HS3ST2: variants seen among roughly 807,000 people sequenced by gnomAD.
The protein encoded by HS3ST2 is heparan sulfate-glucosamine 3-sulfotransferase 2.
In HS3ST2, 17 loss-of-function variants were observed where a neutral mutation model predicts 26.3. That is an observed-to-expected ratio of 0.65 (90% CI 0.44 to 0.97). The LOEUF (loss-of-function observed/expected upper bound fraction) is 0.97, where lower values mean the gene tolerates loss of function less well. Ranked by LOEUF, HS3ST2 falls within the 50% of genes least tolerant of loss-of-function variation. The pLI is 0.00. For missense variants in HS3ST2, 402 were observed against 501.2 expected (o/e 0.80, Z 1.89); for synonymous variants, 237 against 219.2 (o/e 1.08, Z -0.72).
At chr16:22,888,385 T>TC (rs10686765) in intron 1 of HS3ST2, among the ~76,000 whole-genome samples, 2 of 21,678 alleles carry the variant, frequency 9.2e-5, no homozygotes, top group Non-Finnish European at 1.6e-4. Context: ...TTTTTTTTTT[T>TC]TTTTTTTCTT....
At chr16:22,858,783 T>C (rs1901637589) in intron 1 of HS3ST2, among the ~76,000 whole-genome samples, 1 of 152,174 alleles carries the variant, frequency 6.6e-6, no homozygotes, top group Admixed American at 6.5e-5. Context: ...TTGTCTGAGA[T>C]AATGTGCATG....
At chr16:22,857,561 G>A (rs1461383986) in intron 1 of HS3ST2, among the ~76,000 whole-genome samples, 1 of 152,168 alleles carries the variant, frequency 6.6e-6, no homozygotes, top group Non-Finnish European at 1.5e-5. Flanking sequence ...CCTGACAAAT[G>A]GAACAAAGTT....
At position 22,861,082 on chromosome 16, in the gene HS3ST2, GC is replaced by G. The variant is rs536657591; in HGVS notation, c.485+45990del. Among the ~76,000 whole-genome samples, 27 of 152,118 alleles carry G rather than the reference GC, an allele frequency of 1.8e-4. No individual in the cohort carries two copies. In the South Asian group the frequency reaches 5.4e-3, roughly 30 times the overall value. On this transcript the variant is annotated intron_variant, in intron 1 of 1. Transcript: ENST00000261374. ...TGTAGATATAGGGCCTCACTATGTT[GC>G]CCAGGCTGATCTTGAACTCCTGAGC...
Position 22,915,541 on chromosome 16 carries a change from G to A in HS3ST2, c.1083G>A (p.Gly361=), listed in dbSNP as rs770196156. The change falls in exon 2 of 2, where the codon GGG becomes GGA. Residue 361 remains glycine (G), a synonymous_variant. Coordinates refer to ENST00000261374, the MANE Select transcript of HS3ST2 (RefSeq NM_006043.2). ...ATATCAAATTTTATGAAACCGTTGG[G>A]CAGGACTTCAGGTGGGAATAAGCCC... The part of the protein sequence containing the change: ...PYNIKFYETV[G]QDFRWE 1 of 1,613,340 alleles carries A rather than the reference G, an allele frequency of 6.2e-7. No homozygotes were observed. The highest frequency in any genetic ancestry group is 1.7e-5 in the Admixed American group (1 of 59,946).
At chr16:22,869,211 G>T (rs1448161901) in intron 1 of HS3ST2, among the ~76,000 whole-genome samples, 1 of 152,086 alleles carries the variant, frequency 6.6e-6, no homozygotes, top group Non-Finnish European at 1.5e-5. Context: ...CCCTCATCTG[G>T]CCTGCTGGAC....
chr16:22,912,109 A>G (rs1010840815), intron 1 of HS3ST2, among the ~76,000 whole-genome samples: 5 of 152,194 alleles, frequency 3.3e-5, no homozygotes, highest in Admixed American at 6.5e-5. Flanking sequence ...GGGCGACAGC[A>G]TAAGACTCTG....
In HS3ST2 at chr16:22,913,184, GCGGA is replaced by G. The variant is rs200494196; in HGVS notation, c.486-1759_486-1756del. On this transcript the variant is annotated intron_variant, in intron 1 of 1. Transcript: ENST00000261374. ...GGAGGGAGGGAGGGAGGGAGGGAGG[GCGGA>G]AGGAAGGAAGGGACTTCTCGGGTAG... Among the ~76,000 whole-genome samples the G allele has an allele frequency of 9.7e-3, 1,105 of 113,432 alleles. 31 individuals carry two copies. Among genetic ancestry groups the G allele is most frequent in the African/African-American group, 0.029 (810 of 28,148 alleles). 74.4% of individuals were successfully genotyped at this position (113,432 alleles called of 152,430 possible).
intron 1 of HS3ST2, among the ~76,000 whole-genome samples, chr16:22,850,553 A>G (rs1901503338): frequency 6.6e-6 from 1 of 152,120 alleles, no homozygotes; most frequent in Admixed American, 6.5e-5. Context: ...TTGGGAGGCC[A>G]AGGCAGGCAG....
At position 22,915,897 on chromosome 16, in the gene HS3ST2, G is replaced by T; in HGVS notation, c.*335G>T. 3.7e-6 allele frequency: 1 copy of T among 268,710 alleles called. No individual in the cohort carries two copies. The highest frequency in any genetic ancestry group is 7.0e-6 in the Non-Finnish European group (1 of 141,960). The allele number at this position is 268,710 out of a possible 1,614,324, so 16.6% of individuals were successfully genotyped here. ...GATGATAGATATTATAAGCGATGATGGTTCTGTTGCTATGAACACAGCAGT... is the reference window on the plus strand; with the variant it reads ...GATGATAGATATTATAAGCGATGATTGTTCTGTTGCTATGAACACAGCAGT... On this transcript the variant is annotated 3_prime_UTR_variant, in exon 2 of 2. Coordinates refer to ENST00000261374, the MANE Select transcript of HS3ST2 (RefSeq NM_006043.2).
intron 1 of HS3ST2, among the ~76,000 whole-genome samples, chr16:22,815,432 G>C (rs578040269): frequency 4.6e-5 from 7 of 152,300 alleles, no homozygotes; most frequent in African/African-American, 1.7e-4. Flanking sequence ...GACCTGTGCT[G>C]CCTGAACACG....
chr16:22,840,195 C>A (rs778741500), intron 1 of HS3ST2, among the ~76,000 whole-genome samples: 9 of 152,156 alleles, frequency 5.9e-5, no homozygotes, highest in Non-Finnish European at 1.2e-4. Flanking sequence ...TGCATGGGCA[C>A]ATTTGCCTGA....
intron 1 of HS3ST2, chr16:22,854,853 T>C (rs1901567508): frequency 6.6e-6 from 1 of 152,216 alleles, no homozygotes; most frequent in African/African-American, 2.4e-5. Flanking sequence ...TTGCTCAAGC[T>C]GCTATCAAAC....
intron 1 of HS3ST2, among the ~76,000 whole-genome samples, chr16:22,898,954 C>T (rs1902245067): frequency 1.3e-5 from 2 of 152,154 alleles, no homozygotes; most frequent in Admixed American, 1.3e-4. Context: ...AAGGAGGCAA[C>T]AGGTGTTGGC....
chr16:22,884,044 G>A (rs1389604628), intron 1 of HS3ST2, among the ~76,000 whole-genome samples: 1 of 152,118 alleles, frequency 6.6e-6, no homozygotes, highest in African/African-American at 2.4e-5. Flanking sequence ...TTCTGCAATG[G>A]GCAAGTCACA....
At chr16:22,898,420 T>G (rs1366164100) in intron 1 of HS3ST2, among the ~76,000 whole-genome samples, 1 of 151,596 alleles carries the variant, frequency 6.6e-6, no homozygotes, top group African/African-American at 2.4e-5. Context: ...GTGCTTAGAG[T>G]GATGAGGAAA....
chr16:22,903,839 G>C (rs973296966), intron 1 of HS3ST2, among the ~76,000 whole-genome samples: 11 of 152,298 alleles, frequency 7.2e-5, no homozygotes, highest in African/African-American at 2.6e-4. Context: ...GGTCACAATA[G>C]AAGAGGCAGA....
At chr16:22,883,736 T>C (rs1902024087) in intron 1 of HS3ST2, among the ~76,000 whole-genome samples, 1 of 152,238 alleles carries the variant, frequency 6.6e-6, no homozygotes, top group African/African-American at 2.4e-5. Context: ...TAGGTGCAGA[T>C]GGAAATTAAA....
At chr16:22,841,787 G>T (rs1901360895) in intron 1 of HS3ST2, among the ~76,000 whole-genome samples, 1 of 152,000 alleles carries the variant, frequency 6.6e-6, no homozygotes, top group Non-Finnish European at 1.5e-5. Flanking sequence ...GCCTGTAGTG[G>T]TTTTTTTCAT....
chr16:22,837,311 A>C (rs1901273301), intron 1 of HS3ST2, among the ~76,000 whole-genome samples: 1 of 151,714 alleles, frequency 6.6e-6, no homozygotes, highest in African/African-American at 2.4e-5. Flanking sequence ...ATGAGGAATT[A>C]ACTGTGCAAA....
Sources: allele counts gnomAD v4.1 joint callset (sites outside exome capture counted in the v4.1 genomes callset), GRCh38; gene constraint gnomAD v4.1.1; transcripts MANE v1.5; gene names NCBI Gene and HGNC (gene_info 2026-07-23, HGNC 2026-07-21).